Variants in TRIM44 observed in about 807,000 individuals in gnomAD.
TRIM44 encodes tripartite motif containing 44.
In TRIM44, 13 loss-of-function variants were observed where a neutral mutation model predicts 37.4. The observed-to-expected ratio is 0.35, with a 90% CI of 0.23 to 0.55. TRIM44 has a LOEUF of 0.55. Among genes scored for constraint, TRIM44 ranks in the 20% least tolerant of loss-of-function variants. The pLI is 0.89. For missense variants in TRIM44, 426 were observed against 437.2 expected (o/e 0.97, Z 0.23); for synonymous variants, 175 against 157.2 (o/e 1.11, Z -0.85).
chr11:35,663,734 A>G lies in TRIM44; in HGVS notation c.623A>G (p.Gln208Arg), dbSNP rs1483370752. ...CVLCPVIGAH[Q>R]GHQLSTLDEA... ...CTGTGTCCAGTCATTGGGGCTCACC[A>G]GGGCCACCAACTCTCCACCCTAGAC... Residue 208 changes from glutamine to arginine, a missense_variant, in exon 1 of 5, where the codon CAG (glutamine) becomes CGG (arginine). Gln to Arg is a conservative substitution (Grantham distance 43). This residue lies in a region of TRIM44 where 331 missense variants were observed against 303.0 expected (regional missense o/e 1.09). Coordinates refer to ENST00000299413, the MANE Select transcript of TRIM44 (RefSeq NM_017583.6). 3 of 1,614,100 alleles carry G rather than the reference A, an allele frequency of 1.9e-6. No individual in the cohort carries two copies. The highest frequency in any genetic ancestry group is 3.3e-5 in the Admixed American group (2 of 60,028).
chr11:35,810,272 T>G lies in TRIM44; in HGVS notation c.*3887T>G, dbSNP rs1194110901. On this transcript the variant is annotated 3_prime_UTR_variant, in exon 5 of 5. Transcript: ENST00000299413. ...CTCTCCCCAAGTAGAAAATATTCTC[T>G]TGCCATTCCTGAAATTCCACATTCA... 1.3e-5 allele frequency: 2 copies of G among 152,162 alleles called. No homozygotes were observed. The highest frequency in any genetic ancestry group is 2.4e-5 in the African/African-American group (1 of 41,442). The allele number at this position is 152,162 out of a possible 1,614,324, so 9.4% of individuals were successfully genotyped here. A position where few individuals can be genotyped will look rare whatever the true frequency, so the allele number is the denominator to read the frequency against.
intron 4 of TRIM44, among the ~76,000 whole-genome samples, chr11:35,763,706 A>G (rs1852757565): frequency 6.6e-6 from 1 of 152,192 alleles, no homozygotes; most frequent in Admixed American, 6.5e-5. Flanking sequence ...AGATGTTACA[A>G]AAACCTAGTT....
intron 4 of TRIM44, among the ~76,000 whole-genome samples, chr11:35,771,747 C>T (rs1457748767): frequency 6.7e-6 from 1 of 149,610 alleles, no homozygotes; most frequent in Non-Finnish European, 1.5e-5. Flanking sequence ...AAAAAAAAAG[C>T]ATTTAGTTTT....
Position 35,815,285 on chromosome 11 carries a change from A to G in TRIM44, c.*8900A>G, listed in dbSNP as rs1289588225. The G allele has an allele frequency of 6.6e-6, 1 of 152,068 alleles. No homozygotes were observed. Among genetic ancestry groups the G allele is most frequent in the Non-Finnish European group, 1.5e-5 (1 of 68,002 alleles). 9.4% of individuals were successfully genotyped at this position (152,068 alleles called of 1,614,324 possible). A position where few individuals can be genotyped will look rare whatever the true frequency, so the allele number is the denominator to read the frequency against. ...GGTGTTAATTGGAAGTAACTTTTCT[A>G]TATTTGGTTTCTCTCCACACATTAT... is the stretch of plus-strand genomic sequence containing the variant. On this transcript the variant is annotated 3_prime_UTR_variant, in exon 5 of 5. Transcript: ENST00000299413.
At chr11:35,748,555 T>C (rs1852523249) in intron 4 of TRIM44, among the ~76,000 whole-genome samples, 1 of 152,244 alleles carries the variant, frequency 6.6e-6, no homozygotes, top group African/African-American at 2.4e-5. Context: ...ATGTACTGAA[T>C]CTTATCCTAT....
intron 4 of TRIM44, among the ~76,000 whole-genome samples, chr11:35,745,961 G>C (rs1384566048): frequency 1.3e-5 from 2 of 152,026 alleles, no homozygotes; most frequent in Admixed American, 6.6e-5. Context: ...TGAATGAAAA[G>C]ACTCTATTCA....
rs1288785912 is a variant in TRIM44 at position 35,814,470 on chromosome 11, A to G, written c.*8085A>G. Reference sequence around the variant, plus strand: ...TACTAAGCCCTGGAACGAAGATAGGATTCATTTCTCATGGATTATTGAGCA... The same window carrying G: ...TACTAAGCCCTGGAACGAAGATAGGGTTCATTTCTCATGGATTATTGAGCA... On this transcript the variant is annotated 3_prime_UTR_variant, in exon 5 of 5. Coordinates refer to ENST00000299413, the MANE Select transcript of TRIM44 (RefSeq NM_017583.6). The G allele has an allele frequency of 2.0e-5, 3 of 152,090 alleles. No individual in the cohort carries two copies. The highest frequency in any genetic ancestry group is 7.2e-5 in the African/African-American group (3 of 41,422). The allele number at this position is 152,090 out of a possible 1,614,324, so 9.4% of individuals were successfully genotyped here. A position where few individuals can be genotyped will look rare whatever the true frequency, so the allele number is the denominator to read the frequency against.
Position 35,811,641 on chromosome 11 carries a change from A to C in TRIM44, c.*5256A>C, listed in dbSNP as rs950079872. On this transcript the variant is annotated 3_prime_UTR_variant, in exon 5 of 5. Coordinates refer to ENST00000299413, the MANE Select transcript of TRIM44 (RefSeq NM_017583.6). ...AGGCCTTCAGGAGCCAAATGTGAAG[A>C]CTCAAGATGGTAGATACTGTGTGAA... The C allele has an allele frequency of 3.9e-5, 6 of 152,156 alleles. No individual in the cohort carries two copies. The highest frequency in any genetic ancestry group is 9.7e-5 in the African/African-American group (4 of 41,422). The allele number at this position is 152,156 out of a possible 1,614,324, so 9.4% of individuals were successfully genotyped here. A position where few individuals can be genotyped will look rare whatever the true frequency, so the allele number is the denominator to read the frequency against.
intron 3 of TRIM44, among the ~76,000 whole-genome samples, chr11:35,727,532 A>G (rs1280087651): frequency 6.6e-6 from 1 of 152,240 alleles, no homozygotes; most frequent in Non-Finnish European, 1.5e-5. Flanking sequence ...ATGTGTGAAA[A>G]GAATAACTCT....
intron 4 of TRIM44, among the ~76,000 whole-genome samples, chr11:35,738,225 T>C (rs111911106): frequency 1.3e-5 from 2 of 152,310 alleles, no homozygotes; most frequent in African/African-American, 4.8e-5. Flanking sequence ...CAGAGTCACA[T>C]TGATTAGAAG....
intron 1 of TRIM44, among the ~76,000 whole-genome samples, chr11:35,664,216 C>T (rs12786974): frequency 6.6e-6 from 1 of 152,162 alleles, no homozygotes; most frequent in Non-Finnish European, 1.5e-5. Context: ...GATACGTCTG[C>T]ATTGAAAAGA....
chr11:35,742,630 A>C (rs1590560548), intron 4 of TRIM44, among the ~76,000 whole-genome samples: 1 of 131,718 alleles, frequency 7.6e-6, no homozygotes, highest in African/African-American at 2.9e-5. Flanking sequence ...ATTGTATTTT[A>C]TATATAATTA....
Position 35,748,145 on chromosome 11 carries a change from C to G in TRIM44, c.1007+12700C>G, listed in dbSNP as rs142314789. On this transcript the variant is annotated intron_variant, in intron 4 of 4. Transcript: ENST00000299413. ...CTGTGAAAAGAAATACAGGGGGCCA[C>G]ATGAATGACTACCTGAAATTATACC... is the stretch of plus-strand genomic sequence containing the variant. Among the ~76,000 whole-genome samples, 287 of 152,210 alleles carry G rather than the reference C, an allele frequency of 1.9e-3. 2 individuals carry two copies. The highest frequency in any genetic ancestry group is 6.6e-3 in the African/African-American group (274 of 41,550).
At chr11:35,765,366 G>A (rs958438477) in intron 4 of TRIM44, among the ~76,000 whole-genome samples, 1 of 152,164 alleles carries the variant, frequency 6.6e-6, no homozygotes, top group African/African-American at 2.4e-5. Flanking sequence ...ATAGAGAAAT[G>A]TGTTAAGTGC....
intron 4 of TRIM44, among the ~76,000 whole-genome samples, chr11:35,754,999 T>C (rs1590571488): frequency 6.6e-6 from 1 of 152,350 alleles, no homozygotes; most frequent in East Asian, 1.9e-4. Context: ...GCATGTTTTA[T>C]AATCCTTTGG....
At chr11:35,787,407 G>A (rs898717515) in intron 4 of TRIM44, among the ~76,000 whole-genome samples, 9 of 152,156 alleles carry the variant, frequency 5.9e-5, no homozygotes, top group Admixed American at 2.0e-4. Context: ...ACCACAAGGC[G>A]AATGGAATGC....
rs1342456350 is a variant in TRIM44 at position 35,814,515 on chromosome 11, T to C, written c.*8130T>C. ...TGAGCACTCTGGGGTAACCTGGCCC[T>C]GATCTGATGACGCTAAGATTTAAAA... On this transcript the variant is annotated 3_prime_UTR_variant, in exon 5 of 5. Coordinates refer to ENST00000299413, the MANE Select transcript of TRIM44 (RefSeq NM_017583.6). 4 of 152,180 alleles carry C rather than the reference T, an allele frequency of 2.6e-5. No homozygotes were observed. Among genetic ancestry groups the C allele is most frequent in the Non-Finnish European group, 4.4e-5 (3 of 68,050 alleles). 9.4% of individuals were successfully genotyped at this position (152,180 alleles called of 1,614,324 possible).
intron 1 of TRIM44, among the ~76,000 whole-genome samples, chr11:35,666,303 T>C (rs1486744413): frequency 6.6e-6 from 1 of 152,222 alleles, no homozygotes; most frequent in Admixed American, 6.5e-5. Flanking sequence ...TATCCCTTTA[T>C]AATATGTCTT....
chr11:35,670,483 T>C (rs1026634009), intron 1 of TRIM44, among the ~76,000 whole-genome samples: 6 of 152,200 alleles, frequency 3.9e-5, no homozygotes, highest in African/African-American at 1.4e-4. Flanking sequence ...TGTTTTTTCT[T>C]ATGGTGAAAC....
Sources: gnomAD v4.1 joint callset for allele counts (sites outside exome capture counted in the v4.1 genomes callset) on GRCh38, gnomAD v4.1.1 for gene constraint, gnomAD v4.1.1 regional missense constraint, MANE v1.5 for transcripts, NCBI Gene and HGNC (gene_info 2026-07-23, HGNC 2026-07-21) for gene names.